CERKL: variants seen among roughly 807,000 people sequenced by gnomAD.
CERKL encodes the protein CERK like autophagy regulator.
In CERKL, 61 loss-of-function variants were observed where a neutral mutation model predicts 63.4. That is an observed-to-expected ratio of 0.96 (90% CI 0.78 to 1.19). The LOEUF is 1.19. CERKL is among the 50% of genes most tolerant of loss of function. The pLI, the probability that CERKL is intolerant of heterozygous loss-of-function variation, is 0.00. For missense variants in CERKL, 675 were observed against 655.5 expected (o/e 1.03, Z -0.33); for synonymous variants, 250 against 230.5 (o/e 1.08, Z -0.77).
intron 1 of CERKL, among the ~76,000 whole-genome samples, chr2:181,645,728 T>C (rs6733263): frequency 0.15 from 22,583 of 152,284 alleles, 4,120 homozygotes; most frequent in African/African-American, 0.43. Context: ...ACCTGCCCAA[T>C]GATTACTAGT....
At position 181,558,956 on chromosome 2, in the gene CERKL, A is replaced by G. The variant is rs1189991206; in HGVS notation, c.678-248T>C. ...AAAATAGCTTTAAGTGTGTTAAGAG[A>G]TATGAAAACTTTTGAACATGTTAAT... is the stretch of plus-strand genomic sequence containing the variant. On this transcript the variant is annotated intron_variant, in intron 4 of 12. Transcript: ENST00000410087. This position sits in a 1 kb window ranked among gnomAD's most constrained non-coding sequence, Gnocchi z 4.2. Among the ~76,000 whole-genome samples the G allele has an allele frequency of 6.6e-6, 1 of 152,186 alleles. No homozygotes were observed. Among genetic ancestry groups the G allele is most frequent in the Non-Finnish European group, 1.5e-5 (1 of 68,030 alleles).
chr2:181,560,316 G>A (rs1688384083), intron 4 of CERKL, among the ~76,000 whole-genome samples: 1 of 152,104 alleles, frequency 6.6e-6, no homozygotes. Context: ...TACATACATA[G>A]GATGCGAACA....
chr2:181,640,666 A>G (rs1157575032), intron 1 of CERKL, among the ~76,000 whole-genome samples: 1 of 152,206 alleles, frequency 6.6e-6, no homozygotes, highest in Non-Finnish European at 1.5e-5. Context: ...AGTCTAGGCA[A>G]TAGCATCTTC....
At chr2:181,609,533 T>TGGAAAAAAAAA (rs1267362169) in intron 1 of CERKL, among the ~76,000 whole-genome samples, 1 of 70,216 alleles carries the variant, frequency 1.4e-5, no homozygotes, top group African/African-American at 4.7e-5. Flanking sequence ...CTGTCTCTAC[T>TGGAAAAAAAAA]AAAAAAAAAA....
intron 3 of CERKL, among the ~76,000 whole-genome samples, chr2:181,568,296 A>C (rs183807015): frequency 6.6e-6 from 1 of 152,304 alleles, no homozygotes; most frequent in Admixed American, 6.5e-5. Flanking sequence ...CTTTAAAGTT[A>C]GTAAGCTCAA....
chr2:181,651,747 A>T (rs566349643), intron 1 of CERKL, among the ~76,000 whole-genome samples: 1 of 150,294 alleles, frequency 6.7e-6, no homozygotes, highest in Admixed American at 6.6e-5. Context: ...TTTGCAGAAG[A>T]TATGATCTTA....
In CERKL at chr2:181,548,731, G is replaced by C. The variant is rs924599354; in HGVS notation, c.1022C>G (p.Ser341Cys). 6.2e-7 allele frequency: 1 copy of C among 1,613,882 alleles called. No homozygotes were observed. The highest frequency in any genetic ancestry group is 8.5e-7 in the Non-Finnish European group (1 of 1,179,926). The change falls in exon 7 of 13, where the codon TCC (serine) becomes TGC (cysteine). Residue 341 changes from serine (S) to cysteine (C), a missense_variant. Coordinates refer to ENST00000410087, the MANE Select transcript of CERKL (RefSeq NM_201548.5). Reference sequence around the variant, plus strand: ...AGCAAAATCTCTCCGTTGGTTAGGGGACATCCATCGATATTTTTCTGCCAG... The same window carrying C: ...AGCAAAATCTCTCCGTTGGTTAGGGCACATCCATCGATATTTTTCTGCCAG... ...LALAEKYRWM[S>C]PNQRRDFAVV...
intron 12 of CERKL, among the ~76,000 whole-genome samples, chr2:181,538,530 G>A (rs758665315): frequency 1.3e-5 from 2 of 152,066 alleles, no homozygotes; most frequent in Non-Finnish European, 2.9e-5. Context: ...GGGCACCCCT[G>A]CATGCTTCTT....
intron 3 of CERKL, among the ~76,000 whole-genome samples, chr2:181,567,203 A>T (rs375661258): frequency 2.6e-5 from 4 of 152,164 alleles, no homozygotes; most frequent in African/African-American, 9.7e-5. Flanking sequence ...ATAAAACTAC[A>T]TATGAAACAT....
chr2:181,540,467 A>G (rs1687452260), intron 11 of CERKL, among the ~76,000 whole-genome samples: 1 of 152,178 alleles, frequency 6.6e-6, no homozygotes, highest in South Asian at 2.1e-4. Context: ...GGGTCTTTGC[A>G]GGTAGAATCA....
At chr2:181,580,333 G>A (rs766328922) in intron 2 of CERKL, among the ~76,000 whole-genome samples, 1 of 149,992 alleles carries the variant, frequency 6.7e-6, no homozygotes, top group Non-Finnish European at 1.5e-5. Context: ...CTCCTAACTG[G>A]CTATAGCCTG....
chr2:181,538,342 TAAC>T, intron 12 of CERKL, 98 bp from the exon 13 acceptor site: 2 of 705,856 alleles, frequency 2.8e-6, no homozygotes, highest in South Asian at 1.7e-5. Flanking sequence ...TACAAATTGA[TAAC>T]AAACACAGCA....
At chr2:181,560,659 C>A (rs948404321) in intron 4 of CERKL, among the ~76,000 whole-genome samples, 9 of 152,080 alleles carry the variant, frequency 5.9e-5, no homozygotes, top group African/African-American at 2.2e-4. Flanking sequence ...GATAAAGTAA[C>A]TTTTTCAAGA....
At chr2:181,640,318 C>T (rs902555045) in intron 1 of CERKL, among the ~76,000 whole-genome samples, 1 of 152,154 alleles carries the variant, frequency 6.6e-6, no homozygotes, top group African/African-American at 2.4e-5. Flanking sequence ...TCCTGTTGCT[C>T]ACCACACCCA....
intron 4 of CERKL, among the ~76,000 whole-genome samples, chr2:181,564,430 A>T (rs1688578107): frequency 1.3e-5 from 2 of 152,188 alleles, no homozygotes; most frequent in African/African-American, 4.8e-5. Context: ...TGGTTTATAA[A>T]ATATAATAAC....
At chr2:181,569,967 C>T (rs768716738) in intron 3 of CERKL, among the ~76,000 whole-genome samples, 32 of 152,166 alleles carry the variant, frequency 2.1e-4, no homozygotes, top group Non-Finnish European at 5.9e-5. Flanking sequence ...TGCAATCTAA[C>T]AAATGACTTT....
At chr2:181,593,211 C>A (rs1206498855) in intron 2 of CERKL, among the ~76,000 whole-genome samples, 1 of 152,112 alleles carries the variant, frequency 6.6e-6, no homozygotes, top group African/African-American at 2.4e-5. Flanking sequence ...TATAAAAATT[C>A]TATCAGTCAC....
intron 2 of CERKL, among the ~76,000 whole-genome samples, chr2:181,594,368 C>T (rs1325241854): frequency 2.0e-5 from 3 of 152,138 alleles, no homozygotes; most frequent in African/African-American, 7.2e-5. Context: ...GCCTGGTTTG[C>T]TCAGGTACAG....
chr2:181,604,184 T>C (rs1685580564), intron 1 of CERKL, 105 bp from the exon 2 acceptor site: 3 of 904,374 alleles, frequency 3.3e-6, no homozygotes, highest in Middle Eastern at 3.4e-4. Context: ...AGGGAGAGGA[T>C]CAAGAAAAAT....
Sources: allele counts gnomAD v4.1 joint callset (sites outside exome capture counted in the v4.1 genomes callset), GRCh38; gene constraint gnomAD v4.1.1; non-coding constraint Gnocchi (gnomAD v3.1); transcripts MANE v1.5; gene names NCBI Gene and HGNC (gene_info 2026-07-23, HGNC 2026-07-21).